The following UGT2B11 variants were observed in gnomAD, a reference collection of about 807,000 sequenced individuals.
The protein encoded by UGT2B11 is UDP-glucuronosyltransferase 2B11.
UGT2B11 carries 49 observed loss-of-function variants against 51.7 expected under a neutral mutation model. That is an observed-to-expected ratio of 0.95 (90% CI 0.75 to 1.20). The LOEUF is 1.20. Ranked by LOEUF, UGT2B11 falls within the 50% of genes most tolerant of loss-of-function variation. UGT2B11 has a pLI of 0.00. For missense variants in UGT2B11, 810 were observed against 622.1 expected (o/e 1.30, Z -3.21); for synonymous variants, 273 against 209.0 (o/e 1.31, Z -2.64).
rs1245014307 is a variant in UGT2B11 at position 69,200,097 on chromosome 4, A to G, written c.*343T>C. On this transcript the variant is annotated 3_prime_UTR_variant, in exon 6 of 6. Transcript: ENST00000446444. ...CTTGTGTTTATGTAAAATGTGTGAAATATAGTTAAGCTGAGTAAATTTTTT... is the reference window on the plus strand; with the variant it reads ...CTTGTGTTTATGTAAAATGTGTGAAGTATAGTTAAGCTGAGTAAATTTTTT... 1.1e-5 allele frequency: 2 copies of G among 181,500 alleles called. No individual in the cohort carries two copies. The highest frequency in any genetic ancestry group is 4.8e-5 in the African/African-American group (2 of 41,778). 11.2% of individuals were successfully genotyped at this position (181,500 alleles called of 1,614,324 possible). A position where few individuals can be genotyped will look rare whatever the true frequency, so the allele number is the denominator to read the frequency against.
intron 5 of UGT2B11, among the ~76,000 whole-genome samples, chr4:69,203,414 G>T (rs569777391): frequency 7.2e-5 from 11 of 151,876 alleles, no homozygotes; most frequent in Non-Finnish European, 3.0e-5. Flanking sequence ...TGGTAGTGAT[G>T]AATGCAACAA....
chr4:69,218,251 G>A (rs868712141), upstream of UGT2B11, among the ~76,000 whole-genome samples: 31 of 152,128 alleles, frequency 2.0e-4, no homozygotes, highest in African/African-American at 5.8e-4. Flanking sequence ...ACCAAGAGAG[G>A]TCAGAAAAAA....
chr4:69,207,723 G>A (rs1226524075), intron 3 of UGT2B11, among the ~76,000 whole-genome samples: 2 of 151,480 alleles, frequency 1.3e-5, no homozygotes, highest in African/African-American at 4.8e-5. Flanking sequence ...TTTCACATAA[G>A]CATTTGACTT....
chr4:69,205,957 T>G (rs1332289351), intron 3 of UGT2B11, among the ~76,000 whole-genome samples: 23 of 151,602 alleles, frequency 1.5e-4, no homozygotes, highest in Admixed American at 1.5e-3. Flanking sequence ...TGGCCATTAT[T>G]AAAAATTCAA....
intron 3 of UGT2B11, among the ~76,000 whole-genome samples, chr4:69,207,746 G>T (rs1289199348): frequency 6.6e-6 from 1 of 151,604 alleles, no homozygotes; most frequent in African/African-American, 2.4e-5. Context: ...AGTACAAACA[G>T]AAATAGTACA....
rs552148235 is a variant in UGT2B11, at chr4:69,210,296, C to T, written c.871-1814G>A. 4.0e-5 allele frequency among the ~76,000 whole-genome samples: 6 copies of T among 151,354 alleles called. No homozygotes were observed. The South Asian group carries it at 1.0e-3, about 26-fold the overall frequency. ...TTTTCCATAAGGTTTAATAGGTGCA[C>T]CTTGATTTTTTTATGATTTCACGTG... On this transcript the variant is annotated intron_variant, in intron 2 of 5. Transcript: ENST00000446444.
upstream of UGT2B11, among the ~76,000 whole-genome samples, chr4:69,217,565 C>G (rs1437816224): frequency 1.3e-5 from 2 of 152,044 alleles, no homozygotes; most frequent in Admixed American, 6.6e-5. Context: ...TGTCTCAGAA[C>G]AGCACTGCTG....
rs1721749198 is a variant in UGT2B11, at chr4:69,203,803, T to C, written c.1310+627A>G. Among the ~76,000 whole-genome samples the C allele has an allele frequency of 2.0e-5, 3 of 151,666 alleles. No homozygotes were observed. The South Asian group carries it at 6.2e-4, about 31-fold the overall frequency. Reference sequence around the variant, plus strand: ...TGAAATATCTAGAGAGAATAACTTATAGAGAAAGAAAACAAATTGGTGTTA... The same window carrying C: ...TGAAATATCTAGAGAGAATAACTTACAGAGAAAGAAAACAAATTGGTGTTA... On this transcript the variant is annotated intron_variant, in intron 5 of 5. Transcript: ENST00000446444.
At chr4:69,221,566 T>C in the UGT2B11 span, among the ~76,000 whole-genome samples, 1 of 152,266 alleles carries the variant, frequency 6.6e-6, no homozygotes, top group Non-Finnish European at 1.5e-5. Context: ...TTGGCTAATA[T>C]GTCCCTCCCT....
chr4:69,204,459 A>T lies in UGT2B11; in HGVS notation c.1281T>A (p.Asn427Lys), dbSNP rs1721773054. Reference sequence around the variant, plus strand: ...GATCATTAATTACTGTCTTCAGTGCATTCAGCAGGTCTGTACTCGACATTG... The same window carrying T: ...GATCATTAATTACTGTCTTCAGTGCTTTCAGCAGGTCTGTACTCGACATTG... ...FNTMSSTDLL[N>K]ALKTVINDPL... The change falls in exon 5 of 6, where the codon AAT (asparagine) becomes AAA (lysine). Residue 427 changes from asparagine to lysine, a missense_variant. By Grantham distance (94) the Asn-to-Lys change is moderately conservative. Coordinates refer to ENST00000446444, the MANE Select transcript of UGT2B11 (RefSeq NM_001073.3). The T allele has an allele frequency of 1.2e-6, 2 of 1,611,864 alleles. No homozygotes were observed. The highest frequency in any genetic ancestry group is 1.7e-6 in the Non-Finnish European group (2 of 1,178,636).
the UGT2B11 span, among the ~76,000 whole-genome samples, chr4:69,219,952 C>T: frequency 3.9e-5 from 6 of 152,138 alleles, no homozygotes; most frequent in Non-Finnish European, 7.3e-5. Context: ...TCAGCATTAA[C>T]TCAAAAGTCC....
rs750203803 is a variant in UGT2B11 at position 69,200,738 on chromosome 4, G to C, written c.1311-19C>G. On this transcript the variant is annotated intron_variant, in intron 5 of 5. Coordinates refer to ENST00000446444, the MANE Select transcript of UGT2B11 (RefSeq NM_001073.3). ...TTTATATCTGAAGGATAAAAATAAG[G>C]ATACCAACACTGAAAGTAAGTTAAT... The C allele has an allele frequency of 6.3e-7, 1 of 1,593,458 alleles. No individual in the cohort carries two copies. Among genetic ancestry groups the C allele is most frequent in the South Asian group, 1.1e-5 (1 of 87,652 alleles).
intron 3 of UGT2B11, 132 bp from the exon 4 acceptor site, chr4:69,205,699 A>C: frequency 3.9e-6 from 4 of 1,020,546 alleles, no homozygotes; most frequent in Non-Finnish European, 5.6e-6. Flanking sequence ...TGATGTAAAA[A>C]GAATACTCAC....
At chr4:69,223,868 A>ATTT in the UGT2B11 span, among the ~76,000 whole-genome samples, 1 of 152,144 alleles carries the variant, frequency 6.6e-6, no homozygotes, top group Non-Finnish European at 1.5e-5. Flanking sequence ...ATAGCAATTC[A>ATTT]ATGGCTCTAA....
rs1475050239 is a variant in UGT2B11, at chr4:69,208,414, T to G, written c.939A>C (p.Ile313=). The change falls in exon 3 of 6, where the codon ATA becomes ATC. Residue 313 remains isoleucine, a synonymous_variant. Transcript: ENST00000446444. ...TGGCCCTTTCTGCTGTCATGTTACT[T>G]ATCACTGACCCCAGAGAAAACACCA... The part of the protein sequence containing the change: ...GVVVFSLGSV[I]SNMTAERANV... 6 of 1,610,720 alleles carry G rather than the reference T, an allele frequency of 3.7e-6. No individual in the cohort carries two copies. Among genetic ancestry groups the G allele is most frequent in the Admixed American group, 1.7e-5 (1 of 59,838 alleles).
chr4:69,206,172 A>C (rs4485864), intron 3 of UGT2B11, among the ~76,000 whole-genome samples: 120,050 of 151,050 alleles, frequency 0.79, 47,876 homozygotes, highest in Non-Finnish European at 0.82. Context: ...GATCCATGAA[A>C]ATATATGTTA....
intron 4 of UGT2B11, 56 bp from the exon 5 acceptor site, chr4:69,204,705 A>G: frequency 6.2e-7 from 1 of 1,608,848 alleles, no homozygotes; most frequent in Non-Finnish European, 8.5e-7. Flanking sequence ...GAGATGCACA[A>G]TGAAAGGTTC....
chr4:69,219,089 C>T (rs1231245115), upstream of UGT2B11, among the ~76,000 whole-genome samples: 1 of 151,944 alleles, frequency 6.6e-6, no homozygotes, highest in Non-Finnish European at 1.5e-5. Flanking sequence ...TCAGTGACTA[C>T]TTCTTTCCTC....
the UGT2B11 span, among the ~76,000 whole-genome samples, chr4:69,221,863 C>T: frequency 0.16 from 24,204 of 152,098 alleles, 2,280 homozygotes; most frequent in African/African-American, 0.27. Flanking sequence ...ACACTCAGTC[C>T]TGTTGCTGAA....
Sources: gnomAD v4.1 joint callset for allele counts (sites outside exome capture counted in the v4.1 genomes callset) on GRCh38, gnomAD v4.1.1 for gene constraint, MANE v1.5 for transcripts, NCBI Gene and HGNC (gene_info 2026-07-23, HGNC 2026-07-21) for gene names.